LHCGR: variants seen among roughly 807,000 people sequenced by gnomAD.
The protein encoded by LHCGR is lutropin-choriogonadotropic hormone receptor.
In LHCGR, 55 loss-of-function variants were observed where a neutral mutation model predicts 60.7. The ratio of observed to expected loss-of-function variants is 0.91; its 90% CI spans 0.73 to 1.13. The LOEUF is 1.13. LHCGR is among the 50% of genes most tolerant of loss of function. The pLI is 0.00. For missense variants in LHCGR, 862 were observed against 836.0 expected (o/e 1.03, Z -0.38); for synonymous variants, 337 against 316.5 (o/e 1.06, Z -0.69).
At chr2:48,739,255 G>A (rs71407518) in intron 1 of LHCGR, among the ~76,000 whole-genome samples, 10,937 of 152,278 alleles carry the variant, frequency 0.072, 564 homozygotes, top group Non-Finnish European at 0.11. Flanking sequence ...TCAGTGTGGC[G>A]ATTCCTCAGG....
At chr2:48,716,335 C>G (rs529965210) in intron 6 of LHCGR, among the ~76,000 whole-genome samples, 90 of 152,266 alleles carry the variant, frequency 5.9e-4, no homozygotes, top group African/African-American at 2.1e-3. Flanking sequence ...AGAAATTCAT[C>G]TTACATATTC....
In LHCGR at chr2:48,739,957, A is replaced by T. The variant is rs528996279; in HGVS notation, c.162-8659T>A. On this transcript the variant is annotated intron_variant, in intron 1 of 10. Coordinates refer to ENST00000294954, the MANE Select transcript of LHCGR (RefSeq NM_000233.4). ...GGTTCATCTCACTAGGGAGTGCCAG[A>T]CAGTGGGCGCAGGTCAGTGGGTGCG... is the stretch of plus-strand genomic sequence containing the variant. Among the ~76,000 whole-genome samples, 651 of 152,338 alleles carry T rather than the reference A, an allele frequency of 4.3e-3. 3 individuals carry two copies. Among genetic ancestry groups the T allele is most frequent in the Middle Eastern group, 0.02 (6 of 294 alleles).
intron 6 of LHCGR, among the ~76,000 whole-genome samples, chr2:48,718,683 C>A (rs1259508054): frequency 1.3e-5 from 2 of 152,168 alleles, no homozygotes. Context: ...TCACCACTTT[C>A]TTCCCTATGT....
intron 7 of LHCGR, among the ~76,000 whole-genome samples, chr2:48,712,030 A>G (rs887186503): frequency 3.9e-5 from 6 of 152,006 alleles, no homozygotes; most frequent in Admixed American, 2.6e-4. Flanking sequence ...CTATGAACAC[A>G]TCTTATAATT....
chr2:48,704,605 G>C (rs1451480653), intron 8 of LHCGR, among the ~76,000 whole-genome samples: 1 of 152,090 alleles, frequency 6.6e-6, no homozygotes, highest in East Asian at 1.9e-4. Flanking sequence ...ACTTCTTCCT[G>C]GTTTAGTCTT....
intron 1 of LHCGR, among the ~76,000 whole-genome samples, chr2:48,754,553 C>T (rs1670119357): frequency 6.6e-6 from 1 of 151,918 alleles, no homozygotes; most frequent in Non-Finnish European, 1.5e-5. Flanking sequence ...AATATGTTCA[C>T]ACGCAACTGT....
chr2:48,702,919 C>A (rs1264160606), intron 8 of LHCGR, among the ~76,000 whole-genome samples: 1 of 152,210 alleles, frequency 6.6e-6, no homozygotes, highest in Non-Finnish European at 1.5e-5. Context: ...TCCTCCACAT[C>A]CTCTCCAGCA....
chr2:48,733,884 C>T (rs1669107920), intron 1 of LHCGR, among the ~76,000 whole-genome samples: 1 of 152,060 alleles, frequency 6.6e-6, no homozygotes, highest in Non-Finnish European at 1.5e-5. Flanking sequence ...TTGTTGATAA[C>T]TGTTTGAATG....
chr2:48,701,547 C>T (rs1448296911), intron 8 of LHCGR, among the ~76,000 whole-genome samples: 2 of 152,124 alleles, frequency 1.3e-5, no homozygotes, highest in Middle Eastern at 3.2e-3. Context: ...TTCGTTCAAA[C>T]GACACTTTTT....
chr2:48,729,630 G>A (rs1453652857), intron 2 of LHCGR, among the ~76,000 whole-genome samples: 1 of 152,186 alleles, frequency 6.6e-6, no homozygotes, highest in African/African-American at 2.4e-5. Flanking sequence ...TCAAGACTAG[G>A]ATATGGATCT....
chr2:48,752,997 T>TGGGGGGG (rs1558909396), intron 1 of LHCGR, among the ~76,000 whole-genome samples: 3 of 18,460 alleles, frequency 1.6e-4, no homozygotes, highest in Non-Finnish European at 2.9e-4. Context: ...GGGGGGGGGG[T>TGGGGGGG]GGGGAAGGGA....
intron 1 of LHCGR, among the ~76,000 whole-genome samples, chr2:48,740,602 G>C (rs543014690): frequency 6.6e-6 from 1 of 151,986 alleles, no homozygotes; most frequent in Non-Finnish European, 1.5e-5. Context: ...CACATGGCCG[G>C]GTACTCCAAC....
At chr2:48,739,523 A>G (rs535086715) in intron 1 of LHCGR, among the ~76,000 whole-genome samples, 4 of 152,298 alleles carry the variant, frequency 2.6e-5, no homozygotes, top group Admixed American at 1.3e-4. Flanking sequence ...GGACATGGAT[A>G]AAGCTGGAAA....
chr2:48,687,774 G>A lies in LHCGR; in HGVS notation c.2023C>T (p.Gln675Ter). ...AATGTGGACAACTTCAAGGTGGATTGAGAAGGCTTATTTGATCCAGTGAAG... is the reference window on the plus strand; with the variant it reads ...AATGTGGACAACTTCAAGGTGGATTAAGAAGGCTTATTTGATCCAGTGAAG... ...NGFTGSNKPS[Q>*]STLKLSTLHC... Residue 675 changes from glutamine (Q) to a stop codon, truncating the protein, a stop_gained, in exon 11 of 11, where the codon CAA becomes TAA. Coordinates refer to ENST00000294954, the MANE Select transcript of LHCGR (RefSeq NM_000233.4). LOFTEE classifies it low-confidence loss of function (END_TRUNC). 6.2e-7 allele frequency: 1 copy of A among 1,614,126 alleles called. No homozygotes were observed. The highest frequency in any genetic ancestry group is 8.5e-7 in the Non-Finnish European group (1 of 1,179,976).
At chr2:48,724,638 C>T (rs1287521465) in intron 4 of LHCGR, among the ~76,000 whole-genome samples, 1 of 152,178 alleles carries the variant, frequency 6.6e-6, no homozygotes, top group South Asian at 2.1e-4. Flanking sequence ...TTAATAAAGA[C>T]AATGATTCTT....
intron 10 of LHCGR, among the ~76,000 whole-genome samples, chr2:48,690,531 C>G (rs1217324644): frequency 6.6e-6 from 1 of 152,294 alleles, no homozygotes; most frequent in Admixed American, 6.5e-5. Flanking sequence ...AAAATTAGCT[C>G]TTGCAGATCC....
intron 6 of LHCGR, among the ~76,000 whole-genome samples, chr2:48,721,971 G>A (rs1256336142): frequency 6.6e-6 from 1 of 152,164 alleles, no homozygotes; most frequent in African/African-American, 2.4e-5. Flanking sequence ...CCAACATGGT[G>A]AAATCCTGTC....
intron 6 of LHCGR, 152 bp downstream of exon 6, chr2:48,723,304 C>T (rs983259406): frequency 1.4e-6 from 1 of 703,904 alleles, no homozygotes; most frequent in Middle Eastern, 2.4e-4. Flanking sequence ...TGTGATCTTA[C>T]ACAACTCCCT....
intron 1 of LHCGR, among the ~76,000 whole-genome samples, chr2:48,731,864 C>T (rs968346041): frequency 2.6e-5 from 4 of 152,104 alleles, no homozygotes; most frequent in Admixed American, 2.0e-4. Context: ...AGAACATGCT[C>T]CCATCTTGAT....
Sources: gnomAD v4.1 joint callset for allele counts (sites outside exome capture counted in the v4.1 genomes callset) on GRCh38, gnomAD v4.1.1 for gene constraint, MANE v1.5 for transcripts, NCBI Gene and HGNC (gene_info 2026-07-23, HGNC 2026-07-21) for gene names.